Variants in CHODL observed in about 807,000 individuals in gnomAD.
The protein encoded by CHODL is transmembrane protein MT75.
CHODL carries 29 observed loss-of-function variants against 34.5 expected under a neutral mutation model. The observed-to-expected ratio is 0.84, with a 90% CI of 0.63 to 1.15. The LOEUF (loss-of-function observed/expected upper bound fraction) is 1.15, where lower values mean the gene tolerates loss of function less well. CHODL is among the 50% of genes most tolerant of loss of function. The pLI is 0.00. For missense variants in CHODL, 332 were observed against 332.5 expected, an observed-to-expected ratio of 1.00 and a Z score of 0.01; for synonymous variants, 125 against 116.1, an observed-to-expected ratio of 1.08 and a Z score of -0.49.
intron 2 of CHODL, among the ~76,000 whole-genome samples, chr21:18,036,943 T>C (rs934721295): frequency 2.0e-5 from 3 of 151,942 alleles, no homozygotes; most frequent in African/African-American, 7.2e-5. Flanking sequence ...TCCATGCAGA[T>C]TTTGTACCTA....
At chr21:18,180,985 A>G (rs886575139) in intron 2 of CHODL, among the ~76,000 whole-genome samples, 2 of 152,306 alleles carry the variant, frequency 1.3e-5, no homozygotes, top group Admixed American at 6.5e-5. Flanking sequence ...AGTAAATGCT[A>G]AATAAATTAT....
At chr21:18,198,713 T>G (rs2073617103) in intron 2 of CHODL, among the ~76,000 whole-genome samples, 1 of 152,092 alleles carries the variant, frequency 6.6e-6, no homozygotes, top group Non-Finnish European at 1.5e-5. Flanking sequence ...GTGCCCATTA[T>G]ATTAATATGT....
At chr21:17,953,792 A>T (rs1390381764) in intron 1 of CHODL, among the ~76,000 whole-genome samples, 1 of 152,170 alleles carries the variant, frequency 6.6e-6, no homozygotes, top group Non-Finnish European at 1.5e-5. Flanking sequence ...TGAAAGGATC[A>T]TGAGGTCAGG....
At chr21:17,991,690 G>T (rs899356532) in intron 1 of CHODL, among the ~76,000 whole-genome samples, 3 of 144,978 alleles carry the variant, frequency 2.1e-5, no homozygotes, top group South Asian at 2.2e-4. Flanking sequence ...GTGGGGAGGT[G>T]TTGAGTTGTT....
chr21:18,092,283 T>C (rs753755826), intron 2 of CHODL, among the ~76,000 whole-genome samples: 5 of 152,232 alleles, frequency 3.3e-5, no homozygotes, highest in Non-Finnish European at 7.3e-5. Context: ...CCTCTGTGAA[T>C]GTGCAAAAAC....
chr21:18,110,250 G>C (rs915196473), intron 2 of CHODL, among the ~76,000 whole-genome samples: 1 of 152,148 alleles, frequency 6.6e-6, no homozygotes, highest in African/African-American at 2.4e-5. Context: ...TGAATTTCCA[G>C]GAGTCTCTTG....
At chr21:18,088,920 A>G (rs926369391) in intron 2 of CHODL, among the ~76,000 whole-genome samples, 1 of 152,126 alleles carries the variant, frequency 6.6e-6, no homozygotes, top group African/African-American at 2.4e-5. Flanking sequence ...GCCTGTTCTC[A>G]GTAAGGTCTC....
In CHODL at chr21:18,003,691, GTCTC is replaced by G. The variant is rs962196828; in HGVS notation, c.-144-24173_-144-24170del. Among the ~76,000 whole-genome samples, 9 of 152,030 alleles carry G rather than the reference GTCTC, an allele frequency of 5.9e-5. 1 individual carries two copies. The highest frequency in any genetic ancestry group is 1.3e-4 in the Admixed American group (2 of 15,268). On this transcript the variant is annotated intron_variant, in intron 1 of 6. Coordinates refer to the CHODL transcript ENST00000400127. ...TTTTTTTTCCTGTTTCTTTCTGTCT[GTCTC>G]TCTCTCTTTTTTAAAGAATTGAAGT...
chr21:17,924,301 A>G (rs2824554), intron 1 of CHODL, among the ~76,000 whole-genome samples: 66,738 of 152,104 alleles, frequency 0.44, 14,832 homozygotes, highest in South Asian at 0.54. Context: ...CAGAAGCCCA[A>G]GGGCCAGCAG....
chr21:18,061,177 A>T (rs140405288), intron 2 of CHODL, among the ~76,000 whole-genome samples: 1 of 152,208 alleles, frequency 6.6e-6, no homozygotes, highest in Non-Finnish European at 1.5e-5. Context: ...TACTAACACT[A>T]TGCCAGAAAG....
At chr21:17,956,886 A>G (rs1204720034) in intron 1 of CHODL, among the ~76,000 whole-genome samples, 1 of 148,580 alleles carries the variant, frequency 6.7e-6, no homozygotes, top group Non-Finnish European at 1.5e-5. Flanking sequence ...GGGCCACTAG[A>G]TATTCAGATA....
At chr21:18,205,995 T>C (rs1255240516) in intron 2 of CHODL, among the ~76,000 whole-genome samples, 1 of 152,224 alleles carries the variant, frequency 6.6e-6, no homozygotes, top group East Asian at 1.9e-4. Flanking sequence ...TCTGGTCAGA[T>C]AAGATACTTG....
chr21:18,105,046 A>C (rs115466349), intron 2 of CHODL, among the ~76,000 whole-genome samples: 59 of 152,328 alleles, frequency 3.9e-4, no homozygotes, highest in African/African-American at 1.3e-3. Flanking sequence ...TGGTAAGACT[A>C]AGGGAATATC....
chr21:17,976,143 T>G (rs1439841688), intron 1 of CHODL, among the ~76,000 whole-genome samples: 1 of 151,968 alleles, frequency 6.6e-6, no homozygotes, highest in African/African-American at 2.4e-5. Context: ...TGGTGGCTCA[T>G]GCATGTAGTC....
At chr21:18,063,108 A>C (rs965756819) in intron 2 of CHODL, among the ~76,000 whole-genome samples, 18 of 152,220 alleles carry the variant, frequency 1.2e-4, no homozygotes, top group African/African-American at 3.6e-4. Context: ...GAATTAGCAT[A>C]TATCCAACAA....
rs144640869 is a variant in CHODL, at chr21:18,135,566, A to G, written c.-45+107595A>G. On this transcript the variant is annotated intron_variant, in intron 2 of 6. Transcript: ENST00000400127. ...TCATCTGGTCAATCCCTTCTCCTAT[A>G]TCAATTTTTAATTCTTGGAAGTCTT... Among the ~76,000 whole-genome samples, 314 of 152,110 alleles carry G rather than the reference A, an allele frequency of 2.1e-3. 2 individuals carry two copies. Among genetic ancestry groups the G allele is most frequent in the African/African-American group, 7.3e-3 (302 of 41,502 alleles).
At chr21:17,973,886 C>G (rs1407938840) in intron 1 of CHODL, among the ~76,000 whole-genome samples, 6 of 151,622 alleles carry the variant, frequency 4.0e-5, no homozygotes, top group Non-Finnish European at 7.4e-5. Context: ...TCTTCTCCTT[C>G]TCTTCCCCTT....
intron 2 of CHODL, among the ~76,000 whole-genome samples, chr21:18,061,696 A>G (rs2064668033): frequency 6.6e-6 from 1 of 152,194 alleles, no homozygotes; most frequent in Non-Finnish European, 1.5e-5. Context: ...AAGACTCTCC[A>G]CAATTTCGTG....
At chr21:18,006,816 C>T (rs773603742) in intron 1 of CHODL, among the ~76,000 whole-genome samples, 1 of 152,156 alleles carries the variant, frequency 6.6e-6, no homozygotes, top group African/African-American at 2.4e-5. Context: ...ATAATGTTGC[C>T]TCCGGTCCAC....
Sources: gnomAD v4.1 joint callset for allele counts (sites outside exome capture counted in the v4.1 genomes callset) on GRCh38, gnomAD v4.1.1 for gene constraint, MANE v1.5 for transcripts, NCBI Gene and HGNC (gene_info 2026-07-23, HGNC 2026-07-21) for gene names.